Variants in TENM2 observed in about 807,000 individuals in gnomAD.
TENM2 encodes the protein teneurin transmembrane protein 2, also known as teneurin-2.
Under a neutral mutation model 245.2 loss-of-function variants are expected in TENM2, and 52 were observed. That is an observed-to-expected ratio of 0.21 (90% CI 0.17 to 0.27). TENM2 has a LOEUF of 0.27. Ranked by LOEUF, TENM2 falls within the 10% of genes least tolerant of loss-of-function variation. TENM2 has a pLI of 1.00. For synonymous variants in TENM2, 1,363 were observed against 1,438.9 expected, an observed-to-expected ratio of 0.95 and a Z score of 1.19; for missense variants, 3,046 against 3,666.8, an observed-to-expected ratio of 0.83 and a Z score of 4.37.
chr5:167,101,798 C>T, the TENM2 span, among the ~76,000 whole-genome samples: 3 of 137,074 alleles, frequency 2.2e-5, no homozygotes, highest in African/African-American at 5.3e-5. Flanking sequence ...TTCCAGATCC[C>T]AGACTTCTCA....
rs11299140 is a variant in TENM2 at position 167,645,589 on chromosome 5, C to CT, written c.503-230383dup. Reference sequence around the variant, plus strand: ...GAGAATTTGTTCTTTCTAGTTTTTCCTTTTTTTTTTTTTTCAGTAAACATG... The same window carrying CT: ...GAGAATTTGTTCTTTCTAGTTTTTCCTTTTTTTTTTTTTTTCAGTAAACATG... On this transcript the variant is annotated intron_variant, in intron 2 of 28. Coordinates refer to ENST00000518659, the Ensembl canonical transcript of TENM2. Among the ~76,000 whole-genome samples the CT allele has an allele frequency of 9.6e-3, 1,308 of 136,320 alleles. 6 individuals carry two copies. The highest frequency in any genetic ancestry group is 0.021 in the African/African-American group (782 of 37,862). 89.4% of individuals were successfully genotyped at this position (136,320 alleles called of 152,430 possible).
chr5:167,932,846 G>A lies in TENM2; in HGVS notation c.713-19742G>A, dbSNP rs572010009. ...TGTGGTCCGTGGCCATCGTTTGCCCGTTTGCCAACCCCAAAACCAAACCAA... is the reference window on the plus strand; with the variant it reads ...TGTGGTCCGTGGCCATCGTTTGCCCATTTGCCAACCCCAAAACCAAACCAA... On this transcript the variant is annotated intron_variant, in intron 3 of 28. Transcript: ENST00000518659. 4.9e-4 allele frequency among the ~76,000 whole-genome samples: 74 copies of A among 152,132 alleles called. No homozygotes were observed. The South Asian group carries it at 7.9e-3, about 16-fold the overall frequency.
At chr5:167,710,076 A>C in intron 2 of TENM2, among the ~76,000 whole-genome samples, 1 of 152,214 alleles carries the variant, frequency 6.6e-6, no homozygotes, top group East Asian at 1.9e-4. Flanking sequence ...AGGTAGATAA[A>C]CAAAGGAAGA....
At chr5:168,071,402 A>G (rs1186196393) in intron 7 of TENM2, among the ~76,000 whole-genome samples, 1 of 152,196 alleles carries the variant, frequency 6.6e-6, no homozygotes, top group Non-Finnish European at 1.5e-5. Flanking sequence ...CATGGTGATG[A>G]TAGGAAAAAC....
chr5:167,760,613 T>C (rs183366945), intron 2 of TENM2, among the ~76,000 whole-genome samples: 17 of 152,272 alleles, frequency 1.1e-4, no homozygotes, highest in Admixed American at 1.0e-3. Flanking sequence ...TAGGTAAGTG[T>C]CAACAACAGG....
At chr5:167,619,312 A>C (rs1336963784) in intron 2 of TENM2, among the ~76,000 whole-genome samples, 1 of 152,156 alleles carries the variant, frequency 6.6e-6, no homozygotes, top group Non-Finnish European at 1.5e-5. Context: ...TTTTAAATAA[A>C]GAGTTGATCT....
In TENM2 at chr5:167,337,301, A is replaced by C. The variant is rs577742640; in HGVS notation, c.227-37897A>C. Among the ~76,000 whole-genome samples, 30 of 152,270 alleles carry C rather than the reference A, an allele frequency of 2.0e-4. 1 individual carries two copies. The South Asian group carries it at 3.5e-3, about 18-fold the overall frequency. On this transcript the variant is annotated intron_variant, in intron 1 of 28. Coordinates refer to ENST00000518659, the Ensembl canonical transcript of TENM2. The stretch of plus-strand genomic sequence containing the variant: ...CCCTTAACAATTAAGAAAAAAATTA[A>C]ACTCTATCAACATAATTATTCACCT...
rs748813833 is a variant in TENM2 at position 167,872,508 on chromosome 5, GAA to G, written c.503-3476_503-3475del. ...AAAAAGAAAGAAAGAAAGAAAGAAA[GAA>G]AGAAAGAAAGAAAGAAAGAAAGAAA... is the stretch of plus-strand genomic sequence containing the variant. On this transcript the variant is annotated intron_variant, in intron 2 of 28. Coordinates refer to ENST00000518659, the Ensembl canonical transcript of TENM2. 4.9e-4 allele frequency among the ~76,000 whole-genome samples: 6 copies of G among 12,154 alleles called. No individual in the cohort carries two copies. In the South Asian group the frequency reaches 0.15, roughly 298 times the overall value. 8.0% of individuals were successfully genotyped at this position (12,154 alleles called of 152,430 possible).
the TENM2 span, among the ~76,000 whole-genome samples, chr5:167,248,573 G>A: frequency 2.6e-5 from 4 of 152,066 alleles, no homozygotes; most frequent in South Asian, 4.1e-4. Context: ...AACATCCCCC[G>A]GGGGGTTCCA....
chr5:167,084,329 A>ATT, the TENM2 span, among the ~76,000 whole-genome samples: 3 of 57,670 alleles, frequency 5.2e-5, no homozygotes, highest in African/African-American at 2.8e-4. Flanking sequence ...CATTTTAGTT[A>ATT]TATATATATA....
In TENM2 at chr5:167,604,985, G is replaced by A. The variant is rs140153668; in HGVS notation, c.502+229512G>A. Reference sequence around the variant, plus strand: ...TAGGAAGATGATATGCTAGGCAAACGGACATGGTTTGATCAAAGACTTGGA... The same window carrying A: ...TAGGAAGATGATATGCTAGGCAAACAGACATGGTTTGATCAAAGACTTGGA... On this transcript the variant is annotated intron_variant, in intron 2 of 28. Transcript: ENST00000518659. 4.8e-3 allele frequency among the ~76,000 whole-genome samples: 735 copies of A among 152,274 alleles called. 3 individuals carry two copies. The highest frequency in any genetic ancestry group is 0.017 in the African/African-American group (701 of 41,564).
At chr5:167,404,847 T>C (rs1409386424) in intron 2 of TENM2, among the ~76,000 whole-genome samples, 1 of 152,172 alleles carries the variant, frequency 6.6e-6, no homozygotes, top group African/African-American at 2.4e-5. Context: ...TTCTAGTATA[T>C]CACAGGCTTG....
intron 9 of TENM2, among the ~76,000 whole-genome samples, chr5:168,110,856 C>T (rs766608707): frequency 2.0e-5 from 3 of 152,136 alleles, no homozygotes; most frequent in Non-Finnish European, 2.9e-5. Flanking sequence ...CGATTGAGAA[C>T]TTTTATAACT....
chr5:167,154,443 C>A, the TENM2 span, among the ~76,000 whole-genome samples: 3 of 152,090 alleles, frequency 2.0e-5, no homozygotes, highest in Non-Finnish European at 4.4e-5. Flanking sequence ...GAAATAGAGT[C>A]AAAACACAAA....
intron 2 of TENM2, among the ~76,000 whole-genome samples, chr5:167,795,212 G>A (rs144905295): frequency 2.7e-4 from 41 of 152,224 alleles, no homozygotes; most frequent in African/African-American, 8.7e-4. Context: ...TTGTTTTTAA[G>A]CAAAGTAGTA....
the TENM2 span, among the ~76,000 whole-genome samples, chr5:167,062,130 T>C: frequency 6.6e-6 from 1 of 152,302 alleles, no homozygotes; most frequent in Admixed American, 6.5e-5. Context: ...ATTCCTCTTC[T>C]ATGAGTTGTT....
At chr5:168,055,404 A>G (rs1158460462) in intron 6 of TENM2, among the ~76,000 whole-genome samples, 1 of 152,208 alleles carries the variant, frequency 6.6e-6, no homozygotes, top group East Asian at 1.9e-4. Flanking sequence ...AGAGTTGCCC[A>G]TGTGAGAAGC....
chr5:168,071,056 G>T (rs986594048), intron 7 of TENM2, among the ~76,000 whole-genome samples: 33 of 152,274 alleles, frequency 2.2e-4, no homozygotes, highest in South Asian at 1.0e-3. Context: ...AGCCTGGGCA[G>T]AAGGAGTGTA....
intron 3 of TENM2, among the ~76,000 whole-genome samples, chr5:167,950,694 T>G (rs1407672360): frequency 1.3e-5 from 2 of 152,176 alleles, no homozygotes; most frequent in African/African-American, 4.8e-5. Context: ...GGATCATTAT[T>G]ACATCATTTC....
Sources: gnomAD v4.1 joint callset for allele counts (sites outside exome capture counted in the v4.1 genomes callset) on GRCh38, gnomAD v4.1.1 for gene constraint, MANE v1.5 for transcripts, NCBI Gene and HGNC (gene_info 2026-07-23, HGNC 2026-07-21) for gene names.